The following SHC2 variants were observed in gnomAD, a reference collection of about 807,000 sequenced individuals.
SHC2 encodes SHC-transforming protein 2.
SHC2 carries 62 observed loss-of-function variants against 60.6 expected under a neutral mutation model. The observed-to-expected ratio is 1.02, with a 90% CI of 0.83 to 1.26. The LOEUF (loss-of-function observed/expected upper bound fraction) is 1.26, where lower values mean the gene tolerates loss of function less well. SHC2 is among the 50% of genes most tolerant of loss of function. SHC2 has a pLI of 0.00. For missense variants in SHC2, 873 were observed against 822.2 expected, an observed-to-expected ratio of 1.06 and a Z score of -0.76; for synonymous variants, 375 against 372.4, an observed-to-expected ratio of 1.01 and a Z score of -0.08.
At position 419,042 on chromosome 19, in the gene SHC2, G is replaced by C; in HGVS notation, c.1635C>G (p.Asp545Glu). 6.3e-7 allele frequency: 1 copy of C among 1,583,760 alleles called. No homozygotes were observed. The highest frequency in any genetic ancestry group is 8.6e-7 in the Non-Finnish European group (1 of 1,165,068). The part of the protein sequence containing the change: ...VDPEGVVRTK[D>E]VLFESISHLI... The stretch of plus-strand genomic sequence containing the variant: ...GGTGGCTGATGCTCTCAAACAGCAC[G>C]TCCTTCGTCCGTACCTGCGGGACAG... Residue 545 changes from aspartate (D) to glutamate (E), a missense_variant, in exon 12 of 13, where the codon GAC becomes GAG. Coordinates refer to ENST00000264554, the MANE Select transcript of SHC2 (RefSeq NM_012435.3).
chr19:455,502 G>A (rs954086789), intron 1 of SHC2, among the ~76,000 whole-genome samples: 24 of 152,360 alleles, frequency 1.6e-4, no homozygotes, highest in African/African-American at 4.1e-4. Context: ...GCTCGGACGC[G>A]GGGCCCACGC....
chr19:441,215 C>T lies in SHC2; in HGVS notation c.469-283G>A, dbSNP rs1265212994. ...CTATGCTGCTTGTTCATTTAACCGT[C>T]TTGCCCTCGTCGGTCTCTTTCTGTT... is the stretch of plus-strand genomic sequence containing the variant. On this transcript the variant is annotated intron_variant, in intron 1 of 12. Coordinates refer to ENST00000264554, the MANE Select transcript of SHC2 (RefSeq NM_012435.3). This position sits in a 1 kb window ranked among gnomAD's most constrained non-coding sequence, Gnocchi z 4.9. 4.1e-6 allele frequency: 4 copies of T among 968,186 alleles called. No homozygotes were observed. In the African/African-American group the frequency reaches 7.1e-5, roughly 17 times the overall value. The allele number at this position is 968,186 out of a possible 1,614,324, so 60.0% of individuals were successfully genotyped here. A position where few individuals can be genotyped will look rare whatever the true frequency, so the allele number is the denominator to read the frequency against.
intron 4 of SHC2, among the ~76,000 whole-genome samples, chr19:437,633 A>G (rs993958913): frequency 6.6e-6 from 1 of 152,058 alleles, no homozygotes; most frequent in Admixed American, 6.5e-5. Flanking sequence ...GGGTGGGGGC[A>G]GAGATGGAAA....
intron 1 of SHC2, among the ~76,000 whole-genome samples, chr19:459,428 G>T (rs1975481875): frequency 6.8e-6 from 1 of 147,470 alleles, no homozygotes; most frequent in Admixed American, 6.7e-5. Flanking sequence ...TAGGGGGAAG[G>T]ACCCCACTGA....
chr19:437,272 G>A (rs893552070), intron 4 of SHC2, among the ~76,000 whole-genome samples: 3 of 147,104 alleles, frequency 2.0e-5, no homozygotes, highest in African/African-American at 2.7e-5. Flanking sequence ...GCTCGTCTGC[G>A]TGCTCGTCTG....
rs1043752636 is a variant in SHC2, at chr19:422,666, T to C, written c.1310-210A>G. ...TGTGTAGCAACCTGGACTCCCCAGG[T>C]TGGGTTTTCTAGGCACGTACTAAGC... On this transcript the variant is annotated intron_variant, in intron 10 of 12. Transcript: ENST00000264554. This position sits in a 1 kb window ranked among gnomAD's most constrained non-coding sequence, Gnocchi z 5.0. 1.3e-5 allele frequency: 7 copies of C among 527,962 alleles called. No individual in the cohort carries two copies. The highest frequency in any genetic ancestry group is 1.9e-5 in the African/African-American group (1 of 52,174). 32.7% of individuals were successfully genotyped at this position (527,962 alleles called of 1,614,324 possible).
intron 8 of SHC2, 84 bp from the exon 9 acceptor site, chr19:430,831 T>G: frequency 7.7e-7 from 1 of 1,300,728 alleles, no homozygotes; most frequent in Non-Finnish European, 1.1e-6. Flanking sequence ...CGCCCGGCCC[T>G]CTTAGATGGC....
chr19:456,706 C>G (rs563694545), intron 1 of SHC2, among the ~76,000 whole-genome samples: 1 of 152,284 alleles, frequency 6.6e-6, no homozygotes, highest in African/African-American at 2.4e-5. Flanking sequence ...CCTGCTGTGC[C>G]CCCCCTAGAA....
At chr19:436,785 G>C in intron 4 of SHC2, 102 bp from the exon 5 acceptor site, 4 of 1,135,248 alleles carry the variant, frequency 3.5e-6, no homozygotes, top group Non-Finnish European at 5.1e-6. Flanking sequence ...GCAGGGGCAG[G>C]GATGTGGGGA....
rs544544136 is a variant in SHC2 at position 418,121 on chromosome 19, C to T, written c.*6-799G>A. 3.3e-5 allele frequency among the ~76,000 whole-genome samples: 5 copies of T among 152,280 alleles called. No homozygotes were observed. In the South Asian group the frequency reaches 1.0e-3, roughly 32 times the overall value. On this transcript the variant is annotated intron_variant, in intron 12 of 12. Transcript: ENST00000264554. Reference sequence around the variant, plus strand: ...CCTCCGTCCACACCCTACCATGGGTCCCCCCGGGCCCCGCACCAAAAGTGG... The same window carrying T: ...CCTCCGTCCACACCCTACCATGGGTTCCCCCGGGCCCCGCACCAAAAGTGG...
At chr19:449,561 C>G (rs1159046104) in intron 1 of SHC2, among the ~76,000 whole-genome samples, 2 of 152,234 alleles carry the variant, frequency 1.3e-5, no homozygotes, top group African/African-American at 2.4e-5. Flanking sequence ...ACTATATACC[C>G]TAGCGTGTTT....
intron 1 of SHC2, among the ~76,000 whole-genome samples, chr19:456,820 C>A (rs1371305848): frequency 7.6e-6 from 1 of 131,650 alleles, no homozygotes; most frequent in African/African-American, 3.2e-5. Context: ...TTTGCACCTG[C>A]TGTGCCCCTG....
Position 460,547 on chromosome 19 carries a change from C to T in SHC2, c.450G>A (p.Gly150=), listed in dbSNP as rs1429829296. ...GACTCACCCGCACGACGTAGGAGAC[C>T]CCGGGCCCCAGGACCCTGGCGTCGG... ...LHPDARVLGP[G]VSYVVRYMGC... Residue 150 remains glycine (G), a synonymous_variant, in exon 1 of 13, where the codon GGG becomes GGA. Coordinates refer to ENST00000264554, the MANE Select transcript of SHC2 (RefSeq NM_012435.3). 4 of 1,409,046 alleles carry T rather than the reference C, an allele frequency of 2.8e-6. No individual in the cohort carries two copies. The highest frequency in any genetic ancestry group is 2.8e-5 in the Admixed American group (1 of 36,016). 87.3% of individuals were successfully genotyped at this position (1,409,046 alleles called of 1,614,324 possible). A position where few individuals can be genotyped will look rare whatever the true frequency, so the allele number is the denominator to read the frequency against.
rs1254001252 is a variant in SHC2 at position 418,972 on chromosome 19, C to T, written c.1705G>A (p.Glu569Lys). Residue 569 changes from glutamate to lysine, a missense_variant, in exon 12 of 13, where the codon GAG becomes AAG. Coordinates refer to ENST00000264554, the MANE Select transcript of SHC2 (RefSeq NM_012435.3). ...ACGCCACGCAGGTGCAGCTCACTCT[C>T]GGCGGCCACGATGGGCTGCCCGTTC... The part of the protein sequence containing the change: ...LQNGQPIVAA[E>K]SELHLRGVVS... 6.3e-6 allele frequency: 10 copies of T among 1,585,052 alleles called. No individual in the cohort carries two copies. In the East Asian group the frequency reaches 1.2e-4, roughly 18 times the overall value.
At chr19:437,261 T>A (rs567491677) in intron 4 of SHC2, among the ~76,000 whole-genome samples, 1 of 149,318 alleles carries the variant, frequency 6.7e-6, no homozygotes, top group African/African-American at 2.6e-5. Context: ...CTCGTTTGCG[T>A]GCTCGTCTGC....
intron 1 of SHC2, among the ~76,000 whole-genome samples, chr19:456,681 C>A (rs368391808): frequency 6.8e-6 from 1 of 146,876 alleles, no homozygotes; most frequent in East Asian, 2.0e-4. Flanking sequence ...CCGCTCCCTG[C>A]GTGGGGCCTT....
intron 1 of SHC2, among the ~76,000 whole-genome samples, chr19:447,324 C>T (rs1354098232): frequency 6.6e-5 from 10 of 152,140 alleles, no homozygotes; most frequent in Admixed American, 5.9e-4. Flanking sequence ...AGGGGAGGGA[C>T]GGCTGAGGGC....
chr19:421,086 A>AAG (rs931231641), intron 11 of SHC2, among the ~76,000 whole-genome samples: 36 of 142,394 alleles, frequency 2.5e-4, no homozygotes, highest in African/African-American at 9.4e-4. Flanking sequence ...GAAGAAAGAA[A>AAG]AGAGAGAGAG....
intron 1 of SHC2, among the ~76,000 whole-genome samples, chr19:458,186 G>A (rs1163028422): frequency 3.4e-5 from 4 of 118,000 alleles, no homozygotes; most frequent in African/African-American, 5.8e-5. Flanking sequence ...CGCATGTTCC[G>A]GGGGACGGGG....
Sources: allele counts gnomAD v4.1 joint callset (sites outside exome capture counted in the v4.1 genomes callset), GRCh38; gene constraint gnomAD v4.1.1; non-coding constraint Gnocchi (gnomAD v3.1); transcripts MANE v1.5; gene names NCBI Gene and HGNC (gene_info 2026-07-23, HGNC 2026-07-21).